NEFL: variants seen among roughly 807,000 people sequenced by gnomAD.
NEFL encodes the protein neurofilament light polypeptide.
In NEFL, 36 loss-of-function variants were observed where a neutral mutation model predicts 51.6. The observed-to-expected ratio is 0.70, with a 90% CI of 0.53 to 0.92. The LOEUF (loss-of-function observed/expected upper bound fraction) is 0.92, where lower values mean the gene tolerates loss of function less well. NEFL is among the 40% of genes least tolerant of loss of function. The pLI, the probability that NEFL is intolerant of heterozygous loss-of-function variation, is 0.00. For missense variants in NEFL, 671 were observed against 722.0 expected (o/e 0.93, Z 0.81); for synonymous variants, 332 against 302.5 (o/e 1.10, Z -1.01).
intron 1 of NEFL, among the ~76,000 whole-genome samples, chr8:24,954,948 T>C (rs1350878455): frequency 2.0e-5 from 3 of 151,572 alleles, no homozygotes; most frequent in African/African-American, 7.3e-5. Flanking sequence ...AATGGTTTAC[T>C]ATGAACATCA....
At position 24,951,879 on chromosome 8, in the gene NEFL, T is replaced by C. The variant is rs929384666; in HGVS notation, c.*931A>G. On this transcript the variant is annotated 3_prime_UTR_variant, in exon 4 of 4. Coordinates refer to ENST00000610854, the MANE Select transcript of NEFL (RefSeq NM_006158.5). Reference sequence around the variant, plus strand: ...CAGGTTTTAACCTCCTCCCATGATATTTAGACTATATTTTAAAATGCAGTT... The same window carrying C: ...CAGGTTTTAACCTCCTCCCATGATACTTAGACTATATTTTAAAATGCAGTT... 3 of 152,552 alleles carry C rather than the reference T, an allele frequency of 2.0e-5. No homozygotes were observed. Among genetic ancestry groups the C allele is most frequent in the African/African-American group, 7.2e-5 (3 of 41,444 alleles). The allele number at this position is 152,552 out of a possible 1,614,324, so 9.4% of individuals were successfully genotyped here.
rs565006826 is a variant in NEFL at position 24,952,735 on chromosome 8, C to CTGGT, written c.*71_*74dup. 4.1e-4 allele frequency: 652 copies of CTGGT among 1,606,728 alleles called. 3 individuals are homozygous for CTGGT. The African/African-American group carries it at 8.2e-3, about 20-fold the overall frequency. On this transcript the variant is annotated 3_prime_UTR_variant, in exon 4 of 4. Coordinates refer to ENST00000610854, the MANE Select transcript of NEFL (RefSeq NM_006158.5). ...AATTCACATAGAATCTGGAACTCAA[C>CTGGT]TGGTTGGTTGGTTGGTGATGGGGTT...
chr8:24,956,449 G>A lies in NEFL; in HGVS notation c.67C>T (p.Arg23Trp), dbSNP rs772092001. 2 of 1,604,172 alleles carry A rather than the reference G, an allele frequency of 1.2e-6. No homozygotes were observed. Among genetic ancestry groups the A allele is most frequent in the East Asian group, 2.3e-5 (1 of 44,410 alleles). The change falls in exon 1 of 4, where the codon CGG becomes TGG. Residue 23 changes from arginine to tryptophan, a missense_variant. Transcript: ENST00000610854. This position sits in a 1 kb window ranked among gnomAD's most constrained non-coding sequence, Gnocchi z 5.9. ...SYKRRYVETP[R>W]VHISSVRSGY... is the part of the protein sequence containing the mutation. ...CTGCGCACGCTGGAGATGTGCACCCGGGGCGTCTCCACGTAGCGCCGCTTG... is the reference window on the plus strand; with the variant it reads ...CTGCGCACGCTGGAGATGTGCACCCAGGGCGTCTCCACGTAGCGCCGCTTG...
Position 24,953,564 on chromosome 8 carries a change from C to G in NEFL, c.1401G>C (p.Lys467Asn). 1 of 1,613,960 alleles carries G rather than the reference C, an allele frequency of 6.2e-7. No individual in the cohort carries two copies. Residue 467 changes from lysine (K) to asparagine (N), a missense_variant, in exon 3 of 4, where the codon AAG becomes AAC. Coordinates refer to ENST00000610854, the MANE Select transcript of NEFL (RefSeq NM_006158.5). ...TIEAAKAEEA[K>N]DEPPSEGEAE... ...CTTCTCCTTCAGAGGGGGGCTCATC[C>G]TTGGCTTCCTCAGCCTTGGCAGCCT... is the stretch of plus-strand genomic sequence containing the variant.
chr8:24,952,440 C>T lies in NEFL; in HGVS notation c.*370G>A. On this transcript the variant is annotated 3_prime_UTR_variant, in exon 4 of 4. Transcript: ENST00000610854. ...TAACTCAGGGTCTTTAATTGCTAAC[C>T]ACCGAAGGTTCAAAGGACTATTTTT... The T allele has an allele frequency of 5.3e-6, 1 of 187,998 alleles. No individual in the cohort carries two copies. The highest frequency in any genetic ancestry group is 5.7e-5 in the Admixed American group (1 of 17,642). The allele number at this position is 187,998 out of a possible 1,614,324, so 11.6% of individuals were successfully genotyped here. A position where few individuals can be genotyped will look rare whatever the true frequency, so the allele number is the denominator to read the frequency against.
At position 24,952,103 on chromosome 8, in the gene NEFL, C is replaced by T. The variant is rs1364635887; in HGVS notation, c.*707G>A. 6.6e-6 allele frequency: 1 copy of T among 152,548 alleles called. No homozygotes were observed. The highest frequency in any genetic ancestry group is 6.5e-5 in the Admixed American group (1 of 15,278). The allele number at this position is 152,548 out of a possible 1,614,324, so 9.4% of individuals were successfully genotyped here. On this transcript the variant is annotated 3_prime_UTR_variant, in exon 4 of 4. Coordinates refer to ENST00000610854, the MANE Select transcript of NEFL (RefSeq NM_006158.5). ...AAAGCCATCCCAAAACCTAACACAA[C>T]ACGTGTTATGAGGCAAAGTCTATTG...
At position 24,952,253 on chromosome 8, in the gene NEFL, G is replaced by A. The variant is rs1400629320; in HGVS notation, c.*557C>T. On this transcript the variant is annotated 3_prime_UTR_variant, in exon 4 of 4. Coordinates refer to ENST00000610854, the MANE Select transcript of NEFL (RefSeq NM_006158.5). ...TTTCCAATTGAAGGAAGAAAAAAAA[G>A]TATTGGTAATTGTTAAAATTTCAAC... The A allele has an allele frequency of 6.6e-6, 1 of 152,568 alleles. No individual in the cohort carries two copies. Among genetic ancestry groups the A allele is most frequent in the African/African-American group, 2.4e-5 (1 of 41,430 alleles). The allele number at this position is 152,568 out of a possible 1,614,324, so 9.5% of individuals were successfully genotyped here. A position where few individuals can be genotyped will look rare whatever the true frequency, so the allele number is the denominator to read the frequency against.
chr8:24,956,009 C>G lies in NEFL; in HGVS notation c.507G>C (p.Glu169Asp), dbSNP rs750417735. 3.7e-6 allele frequency: 6 copies of G among 1,604,592 alleles called. No individual in the cohort carries two copies. In the Admixed American group the frequency reaches 8.3e-5, roughly 22 times the overall value. The change falls in exon 1 of 4, where the codon GAG becomes GAC. Residue 169 changes from glutamate (E) to aspartate (D), a missense_variant. Coordinates refer to ENST00000610854, the MANE Select transcript of NEFL (RefSeq NM_006158.5). This position sits in a 1 kb window ranked among gnomAD's most constrained non-coding sequence, Gnocchi z 5.9. Reference sequence around the variant, plus strand: ...AGCGCGCCTGCAGGTTGCGCAGGGTCTCCTCCAGCCCTTCGCGCTCGCCCT... The same window carrying G: ...AGCGCGCCTGCAGGTTGCGCAGGGTGTCCTCCAGCCCTTCGCGCTCGCCCT... ...ALQGEREGLE[E>D]TLRNLQARYE...
At position 24,956,462 on chromosome 8, in the gene NEFL, G is replaced by A. The variant is rs1431523432; in HGVS notation, c.54C>T (p.Tyr18=). 1.9e-6 allele frequency: 3 copies of A among 1,604,578 alleles called. No individual in the cohort carries two copies. Among genetic ancestry groups the A allele is most frequent in the Non-Finnish European group, 1.7e-6 (2 of 1,176,298 alleles). The part of the protein sequence containing the change: ...PYYSTSYKRR[Y]VETPRVHISS... Reference sequence around the variant, plus strand: ...AGATGTGCACCCGGGGCGTCTCCACGTAGCGCCGCTTGTAGGAGGTCGAGT... The same window carrying A: ...AGATGTGCACCCGGGGCGTCTCCACATAGCGCCGCTTGTAGGAGGTCGAGT... Residue 18 remains tyrosine, a synonymous_variant, in exon 1 of 4, where the codon TAC becomes TAT. Transcript: ENST00000610854. The surrounding 1 kb of genome is among the most constrained non-coding windows in gnomAD (Gnocchi z 5.9).
chr8:24,956,102 C>T lies in NEFL; in HGVS notation c.414G>A (p.Leu138=). 6.2e-7 allele frequency: 1 copy of T among 1,606,878 alleles called. No homozygotes were observed. The highest frequency in any genetic ancestry group is 8.5e-7 in the Non-Finnish European group (1 of 1,178,848). ...KHSEPSRFRA[L]YEQEIRDLRL... is the part of the protein sequence containing the mutation. ...GCAGGTCGCGGATCTCCTGCTCGTA[C>T]AGCGCCCGGAAGCGGGATGGCTCGG... The change falls in exon 1 of 4, where the codon CTG becomes CTA. Residue 138 remains leucine (L), a synonymous_variant. Transcript: ENST00000610854. This position sits in a 1 kb window ranked among gnomAD's most constrained non-coding sequence, Gnocchi z 5.9.
rs1803024048 is a variant in NEFL at position 24,955,011 on chromosome 8, AAAGG to A, written c.1044+457_1044+460del. 6.6e-6 allele frequency among the ~76,000 whole-genome samples: 1 copy of A among 152,206 alleles called. No homozygotes were observed. Among genetic ancestry groups the A allele is most frequent in the Non-Finnish European group, 1.5e-5 (1 of 68,032 alleles). ...CTATTTTCCTGTCTACCTACTAAAT[AAAGG>A]AAGGGAGTGGTTGGTAAAACTAGTC... is the stretch of plus-strand genomic sequence containing the variant. On this transcript the variant is annotated intron_variant, in intron 1 of 3. Coordinates refer to ENST00000610854, the MANE Select transcript of NEFL (RefSeq NM_006158.5). The surrounding 1 kb of genome is among the most constrained non-coding windows in gnomAD (Gnocchi z 4.0).
chr8:24,954,342 G>T (rs370849726), intron 1 of NEFL, 37 bp from the exon 2 acceptor site: 1 of 1,603,630 alleles, frequency 6.2e-7, no homozygotes, highest in South Asian at 1.1e-5. Flanking sequence ...AAAAAAATCC[G>T]AGCATAAATC....
chr8:24,953,013 T>G (rs886064634), intron 3 of NEFL, 61 bp from the exon 4 acceptor site: 1 of 1,521,548 alleles, frequency 6.6e-7, no homozygotes, highest in Non-Finnish European at 8.8e-7. Flanking sequence ...TCAAAACATG[T>G]CTGCAAAGGT....
rs1293160396 is a variant in NEFL at position 24,951,864 on chromosome 8, C to A, written c.*946G>T. On this transcript the variant is annotated 3_prime_UTR_variant, in exon 4 of 4. Transcript: ENST00000610854. ...ATTGTACCATGTTCTCAGGTTTTAA[C>A]CTCCTCCCATGATATTTAGACTATA... 1 of 152,482 alleles carries A rather than the reference C, an allele frequency of 6.6e-6. No individual in the cohort carries two copies. Among genetic ancestry groups the A allele is most frequent in the Non-Finnish European group, 1.5e-5 (1 of 68,016 alleles). The allele number at this position is 152,482 out of a possible 1,614,324, so 9.4% of individuals were successfully genotyped here.
chr8:24,953,337 TAAAC>T (rs1802995013), intron 3 of NEFL, 135 bp downstream of exon 3: 2 of 1,493,054 alleles, frequency 1.3e-6, no homozygotes, highest in African/African-American at 1.4e-5. Flanking sequence ...AAAGTTTTGC[TAAAC>T]AAACAGAAAA....
At chr8:24,953,911 C>T (rs1325437315) in intron 2 of NEFL, 116 bp from the exon 3 acceptor site, 1 of 1,391,626 alleles carries the variant, frequency 7.2e-7, no homozygotes, top group East Asian at 2.5e-5. Context: ...ATACTTAATG[C>T]CTGGGGATCT....
At chr8:24,954,082 G>A in intron 2 of NEFL, 99 bp downstream of exon 2, 3 of 1,510,604 alleles carry the variant, frequency 2.0e-6, no homozygotes, top group Non-Finnish European at 2.7e-6. Context: ...TATTTCAAAA[G>A]GACTATTATT....
rs1371548347 is a variant in NEFL, at chr8:24,952,846, A to G, written c.1596T>C (p.Gly532=). Residue 532 remains glycine, a synonymous_variant, in exon 4 of 4, where the codon GGT becomes GGC. Coordinates refer to ENST00000610854, the MANE Select transcript of NEFL (RefSeq NM_006158.5). ...EAEEEEKKVE[G]AGEEQAAKKK... is the part of the protein sequence containing the mutation. The stretch of plus-strand genomic sequence containing the variant: ...TCTTAGCTGCTTGTTCCTCCCCAGC[A>G]CCTTCAACTTTCTTCTCCTCCTCTT... The G allele has an allele frequency of 6.2e-7, 1 of 1,612,650 alleles. No homozygotes were observed. The highest frequency in any genetic ancestry group is 8.5e-7 in the Non-Finnish European group (1 of 1,178,782).
chr8:24,956,526 G>C lies in NEFL; in HGVS notation c.-11C>G. 1.9e-6 allele frequency: 3 copies of C among 1,581,838 alleles called. No individual in the cohort carries two copies. The South Asian group carries it at 3.5e-5, about 18-fold the overall frequency. ...GCTGAAGGAACTCATGGTGGCGGCC[G>C]GTGGCTCCCCGGCCCGCGGCGGCGG... On this transcript the variant is annotated 5_prime_UTR_variant, in exon 1 of 4. Coordinates refer to ENST00000610854, the MANE Select transcript of NEFL (RefSeq NM_006158.5). The surrounding 1 kb of genome is among the most constrained non-coding windows in gnomAD (Gnocchi z 5.9).
Sources: gnomAD v4.1 joint callset for allele counts (sites outside exome capture counted in the v4.1 genomes callset) on GRCh38, gnomAD v4.1.1 for gene constraint, Gnocchi (gnomAD v3.1) non-coding constraint, MANE v1.5 for transcripts, NCBI Gene and HGNC (gene_info 2026-07-23, HGNC 2026-07-21) for gene names.